Variants in CPXM2 observed in about 807,000 individuals in gnomAD.
CPXM2 encodes the protein inactive carboxypeptidase-like protein X2.
In CPXM2, 66 loss-of-function variants were observed where a neutral mutation model predicts 86.1. That is an observed-to-expected ratio of 0.77 (90% CI 0.63 to 0.94). The LOEUF is 0.94. Ranked by LOEUF, CPXM2 falls within the 40% of genes least tolerant of loss-of-function variation. The pLI, the probability that CPXM2 is intolerant of heterozygous loss-of-function variation, is 0.00. For missense variants in CPXM2, 948 were observed against 1,026.3 expected (o/e 0.92, Z 1.04); for synonymous variants, 388 against 400.2 (o/e 0.97, Z 0.36).
chr10:123,792,740 T>A (rs1341415770), intron 6 of CPXM2, among the ~76,000 whole-genome samples: 2 of 152,202 alleles, frequency 1.3e-5, no homozygotes, highest in Non-Finnish European at 2.9e-5. Flanking sequence ...TGCCCCTTTG[T>A]TATCCCCAGA....
At chr10:123,854,989 GT>G (rs1848688767) in intron 3 of CPXM2, among the ~76,000 whole-genome samples, 1 of 151,686 alleles carries the variant, frequency 6.6e-6, no homozygotes, top group African/African-American at 2.4e-5. Context: ...TTTTACTTTG[GT>G]TACATTGTCC....
intron 2 of CPXM2, among the ~76,000 whole-genome samples, chr10:123,905,076 G>A (rs1023370118): frequency 2.0e-5 from 3 of 152,214 alleles, no homozygotes; most frequent in Non-Finnish European, 4.4e-5. Flanking sequence ...GTTACCAGGC[G>A]CTTGCATTCC....
chr10:123,937,474 C>T (rs866446340), intron 2 of CPXM2, among the ~76,000 whole-genome samples: 59 of 65,760 alleles, frequency 9.0e-4, no homozygotes, highest in African/African-American at 4.8e-3. Flanking sequence ...CAAAACAACA[C>T]ACACACACAC....
At chr10:123,784,898 T>G (rs1156662003) in intron 6 of CPXM2, among the ~76,000 whole-genome samples, 1 of 152,244 alleles carries the variant, frequency 6.6e-6, no homozygotes, top group Non-Finnish European at 1.5e-5. Flanking sequence ...ACTGACTTCC[T>G]AGAACTAAAT....
chr10:123,774,573 G>A (rs1434998396), intron 7 of CPXM2, among the ~76,000 whole-genome samples: 2 of 152,112 alleles, frequency 1.3e-5, no homozygotes, highest in African/African-American at 4.8e-5. Flanking sequence ...TAAAGGAGTG[G>A]GAAGATTTAC....
At chr10:123,884,225 C>A (rs1475796832) in intron 1 of CPXM2, among the ~76,000 whole-genome samples, 1 of 152,124 alleles carries the variant, frequency 6.6e-6, no homozygotes, top group African/African-American at 2.4e-5. Flanking sequence ...CTTAAGGAAC[C>A]CACATTAGGA....
At chr10:123,944,063 G>A (rs1459985846), upstream of CPXM2, among the ~76,000 whole-genome samples, 2 of 152,314 alleles carry the variant, frequency 1.3e-5, no homozygotes, top group Non-Finnish European at 2.9e-5. Flanking sequence ...AGGTTAAAGT[G>A]TCCATGATGT....
At chr10:123,857,053 G>A (rs190782166) in intron 3 of CPXM2, among the ~76,000 whole-genome samples, 20 of 152,248 alleles carry the variant, frequency 1.3e-4, no homozygotes, top group Admixed American at 3.9e-4. Flanking sequence ...GGTCCTGGGC[G>A]CACAGGAAGA....
intron 13 of CPXM2, among the ~76,000 whole-genome samples, chr10:123,749,461 T>C (rs1380775269): frequency 6.6e-6 from 1 of 152,236 alleles, no homozygotes; most frequent in African/African-American, 2.4e-5. Flanking sequence ...CCCTCCCTAG[T>C]CCACCCTCTG....
Position 123,768,636 on chromosome 10 carries a change from A to C in CPXM2, c.1189T>G (p.Cys397Gly). 1.9e-6 allele frequency: 3 copies of C among 1,613,826 alleles called. No homozygotes were observed. In the South Asian group the frequency reaches 3.3e-5, roughly 18 times the overall value. The change falls in exon 9 of 14, where the codon TGT becomes GGT. Residue 397 changes from cysteine to glycine, a missense_variant. By Grantham distance (159) the Cys-to-Gly change is radical (BLOSUM62 -3). Coordinates refer to ENST00000241305, the MANE Select transcript of CPXM2 (RefSeq NM_198148.3). The part of the protein sequence containing the change: ...ELLLLLVQFV[C>G]QEYLARNARI... The stretch of plus-strand genomic sequence containing the variant: ...GCATTCCGGGCCAAGTACTCCTGAC[A>C]CACGAACTGCACCAGCAGCAGCAGC...
intron 4 of CPXM2, among the ~76,000 whole-genome samples, chr10:123,801,004 G>A: frequency 6.6e-6 from 1 of 152,134 alleles, no homozygotes; most frequent in Non-Finnish European, 1.5e-5. Context: ...CAGAGGCCCT[G>A]CCCCAAGAAA....
rs1163502146 is a variant in CPXM2, at chr10:123,885,850, C to G, written c.304+5506G>C. On this transcript the variant is annotated intron_variant, in intron 1 of 13. Transcript: ENST00000241305. This position sits in a 1 kb window ranked among gnomAD's most constrained non-coding sequence, Gnocchi z 4.0. ...GCCATTGTCCCCACACTAAAGGTGC[C>G]ATGAGCTCTAGCAGCCATGGACACT... 6.6e-6 allele frequency among the ~76,000 whole-genome samples: 1 copy of G among 152,246 alleles called. No homozygotes were observed.
chr10:123,883,197 C>T (rs1945122085), intron 1 of CPXM2, among the ~76,000 whole-genome samples: 1 of 152,216 alleles, frequency 6.6e-6, no homozygotes, highest in Admixed American at 6.5e-5. Flanking sequence ...TGTGACTCCC[C>T]TGGCAGGGGG....
intron 2 of CPXM2, among the ~76,000 whole-genome samples, chr10:123,873,852 A>ATTT (rs368711617): frequency 7.7e-6 from 1 of 129,550 alleles, no homozygotes; most frequent in South Asian, 2.5e-4. Flanking sequence ...TATTTCTCAC[A>ATTT]TTTCTTTTTT....
intron 4 of CPXM2, among the ~76,000 whole-genome samples, chr10:123,821,903 G>A (rs1847932104): frequency 6.6e-6 from 1 of 152,184 alleles, no homozygotes; most frequent in South Asian, 2.1e-4. Context: ...AAACTGTTGA[G>A]GAAAGGGTAA....
At chr10:123,871,684 A>T (rs1944898991) in intron 2 of CPXM2, among the ~76,000 whole-genome samples, 2 of 152,248 alleles carry the variant, frequency 1.3e-5, no homozygotes, top group Non-Finnish European at 2.9e-5. Context: ...GTCCAAAGCA[A>T]CAAGTACTGA....
At position 123,819,751 on chromosome 10, in the gene CPXM2, G is replaced by T. The variant is rs1847887126; in HGVS notation, c.654-20552C>A. 2.0e-5 allele frequency among the ~76,000 whole-genome samples: 3 copies of T among 152,290 alleles called. No individual in the cohort carries two copies. In the South Asian group the frequency reaches 6.2e-4, roughly 32 times the overall value. The stretch of plus-strand genomic sequence containing the variant: ...TTGTCTTTATTTGAAGATTATATAT[G>T]ATATCAGGAGATGTGTATGGGTTCA... On this transcript the variant is annotated intron_variant, in intron 4 of 13. Coordinates refer to ENST00000241305, the MANE Select transcript of CPXM2 (RefSeq NM_198148.3).
At chr10:123,849,936 G>A (rs1848567727) in intron 3 of CPXM2, among the ~76,000 whole-genome samples, 1 of 152,128 alleles carries the variant, frequency 6.6e-6, no homozygotes, top group African/African-American at 2.4e-5. Context: ...CCCCTTCCCA[G>A]ACATTAACTT....
intron 4 of CPXM2, among the ~76,000 whole-genome samples, chr10:123,835,011 C>G (rs764836545): frequency 1.4e-4 from 22 of 152,196 alleles, no homozygotes; most frequent in Non-Finnish European, 2.8e-4. Context: ...GATGCAGGCA[C>G]CATGCTTCTT....
Sources: gnomAD v4.1 joint callset for allele counts (sites outside exome capture counted in the v4.1 genomes callset) on GRCh38, gnomAD v4.1.1 for gene constraint, Gnocchi (gnomAD v3.1) non-coding constraint, MANE v1.5 for transcripts, NCBI Gene and HGNC (gene_info 2026-07-23, HGNC 2026-07-21) for gene names.